Variants in UGGT1 observed in about 807,000 individuals in gnomAD.
UGGT1 encodes the protein UDP-glucose:glycoprotein glucosyltransferase 1.
In UGGT1, 107 loss-of-function variants were observed where a neutral mutation model predicts 203.9. That is an observed-to-expected ratio of 0.52 (90% CI 0.45 to 0.62). UGGT1 has a LOEUF of 0.62. UGGT1 is among the 20% of genes least tolerant of loss of function. The probability of loss-of-function intolerance (pLI) is 0.00; values close to 1 mark genes in which losing one functional copy is unlikely to be tolerated. For missense variants in UGGT1, 1,673 were observed against 1,867.2 expected (o/e 0.90, Z 1.92); for synonymous variants, 628 against 653.5 (o/e 0.96, Z 0.59).
At chr2:128,100,511 A>G (rs2105339922) in intron 2 of UGGT1, among the ~76,000 whole-genome samples, 1 of 151,160 alleles carries the variant, frequency 6.6e-6, no homozygotes, top group African/African-American at 2.4e-5. Flanking sequence ...GGTTCAAGCG[A>G]TTCTCTTGCC....
intron 11 of UGGT1, among the ~76,000 whole-genome samples, chr2:128,126,240 C>G (rs902996825): frequency 6.6e-6 from 1 of 151,504 alleles, no homozygotes; most frequent in Non-Finnish European, 1.5e-5. Flanking sequence ...TCATGCTTGA[C>G]CAAAATGTAT....
chr2:128,109,828 C>G (rs1687768238), intron 5 of UGGT1, 82 bp downstream of exon 5: 2 of 1,164,758 alleles, frequency 1.7e-6, no homozygotes, highest in East Asian at 4.8e-5. Flanking sequence ...ATTTTCTCAT[C>G]TGTTTTGTAT....
chr2:128,178,404 T>G, intron 33 of UGGT1, 64 bp from the exon 34 acceptor site: 1 of 1,380,910 alleles, frequency 7.2e-7, no homozygotes, highest in East Asian at 2.3e-5. Flanking sequence ...TTCCTCTTAC[T>G]TTCAAAGGCC....
intron 18 of UGGT1, among the ~76,000 whole-genome samples, chr2:128,151,463 A>C (rs1481078468): frequency 2.0e-5 from 3 of 152,206 alleles, no homozygotes; most frequent in Non-Finnish European, 2.9e-5. Context: ...AAAGTTGTAT[A>C]CATGGGCCAA....
intron 28 of UGGT1, among the ~76,000 whole-genome samples, chr2:128,171,892 G>A (rs1691125760): frequency 6.6e-6 from 1 of 152,178 alleles, no homozygotes; most frequent in South Asian, 2.1e-4. Flanking sequence ...GCTATATATT[G>A]TCATGAGCTT....
At chr2:128,113,319 C>T in intron 6 of UGGT1, 61 bp downstream of exon 6, 1 of 1,319,064 alleles carries the variant, frequency 7.6e-7, no homozygotes, top group Non-Finnish European at 1.0e-6. Context: ...GACTTTAGAA[C>T]ATAAGCTAAT....
chr2:128,159,093 C>CT (rs753907632), intron 22 of UGGT1, among the ~76,000 whole-genome samples: 1,468 of 110,434 alleles, frequency 0.013, 20 homozygotes, highest in Middle Eastern at 0.018. Flanking sequence ...CTATCTGAGA[C>CT]TTTTTTTTTT....
chr2:128,165,387 C>G (rs563139887), intron 26 of UGGT1, among the ~76,000 whole-genome samples: 1 of 152,296 alleles, frequency 6.6e-6, no homozygotes, highest in African/African-American at 2.4e-5. Context: ...GACTGAGACC[C>G]TGTCTCACAA....
At chr2:128,132,124 A>G (rs1359031867) in intron 13 of UGGT1, among the ~76,000 whole-genome samples, 1 of 151,796 alleles carries the variant, frequency 6.6e-6, no homozygotes, top group African/African-American at 2.4e-5. Flanking sequence ...CTTAGCTCAT[A>G]GTTCCTAGAT....
rs544430022 is a variant in UGGT1 at position 128,194,665 on chromosome 2, T to C, written c.*4923T>C. ...AGTTAATCAAATAAAGCTTGTCATG[T>C]GTGTAGTTTGGTAAGATAACTTCTT... On this transcript the variant is annotated 3_prime_UTR_variant, in exon 41 of 41. Coordinates refer to ENST00000259253, the MANE Select transcript of UGGT1 (RefSeq NM_020120.4). 1 of 152,344 alleles carries C rather than the reference T, an allele frequency of 6.6e-6. No individual in the cohort carries two copies. The highest frequency in any genetic ancestry group is 2.1e-4 in the South Asian group (1 of 4,828). 9.4% of individuals were successfully genotyped at this position (152,344 alleles called of 1,614,324 possible). A position where few individuals can be genotyped will look rare whatever the true frequency, so the allele number is the denominator to read the frequency against.
At chr2:128,154,925 A>G (rs552321647) in intron 19 of UGGT1, among the ~76,000 whole-genome samples, 18 of 152,344 alleles carry the variant, frequency 1.2e-4, no homozygotes, top group African/African-American at 4.3e-4. Context: ...CTGGAATTCT[A>G]GGAATAATAA....
intron 12 of UGGT1, among the ~76,000 whole-genome samples, chr2:128,128,346 C>T (rs537472901): frequency 1.4e-5 from 2 of 146,554 alleles, no homozygotes; most frequent in South Asian, 4.3e-4. Flanking sequence ...GAGTCTCACT[C>T]TGTTGCCCAG....
At chr2:128,174,688 A>T in intron 30 of UGGT1, 85 bp from the exon 31 acceptor site, 1 of 1,132,822 alleles carries the variant, frequency 8.8e-7, no homozygotes, top group Non-Finnish European at 1.3e-6. Flanking sequence ...GTTGATTGAT[A>T]TTTCAGAAAT....
At position 128,133,643 on chromosome 2, in the gene UGGT1, A is replaced by C. The variant is rs189274307; in HGVS notation, c.1497+383A>C. On this transcript the variant is annotated intron_variant, in intron 14 of 40. Coordinates refer to ENST00000259253, the MANE Select transcript of UGGT1 (RefSeq NM_020120.4). ...TTCATACTCTTCACACCATTCAGTG[A>C]TGTGTTTGTTTTTATTTTAAGACTT... Among the ~76,000 whole-genome samples, 6 of 151,998 alleles carry C rather than the reference A, an allele frequency of 3.9e-5. No individual in the cohort carries two copies. In the East Asian group the frequency reaches 5.8e-4, roughly 15 times the overall value.
chr2:128,142,694 A>G (rs914016621), intron 16 of UGGT1, among the ~76,000 whole-genome samples: 2 of 147,998 alleles, frequency 1.4e-5, no homozygotes, highest in African/African-American at 2.5e-5. Context: ...TTTCAAGAAA[A>G]GTAATTGGCC....
Position 128,129,021 on chromosome 2 carries a change from C to A in UGGT1, c.1227-8C>A. The A allele has an allele frequency of 1.3e-6, 2 of 1,535,512 alleles. No individual in the cohort carries two copies. Among genetic ancestry groups the A allele is most frequent in the Admixed American group, 2.3e-5 (1 of 43,080 alleles). ...CTAGTAAATATCTCTTTTTGTTTTT[C>A]CCCCCAGTCTGTTTGATGTGTTGAG... On this transcript the variant is annotated splice_region_variant and splice_polypyrimidine_tract_variant and intron_variant, in intron 12 of 40. Transcript: ENST00000259253.
At chr2:128,103,646 T>G (rs1687479471) in intron 2 of UGGT1, among the ~76,000 whole-genome samples, 1 of 152,096 alleles carries the variant, frequency 6.6e-6, no homozygotes, top group African/African-American at 2.4e-5. Flanking sequence ...TTCATAAGCT[T>G]TCTTTATATT....
chr2:128,120,711 G>C (rs1017182241), intron 9 of UGGT1, among the ~76,000 whole-genome samples: 5 of 152,104 alleles, frequency 3.3e-5, no homozygotes, highest in Non-Finnish European at 7.4e-5. Context: ...CTTGTAATAC[G>C]AGAAGCAGGT....
In UGGT1 at chr2:128,183,748, G is replaced by A; in HGVS notation, c.4318G>A (p.Gly1440Ser). Residue 1440 changes from glycine (G) to serine (S), a missense_variant, in exon 38 of 41, where the codon GGT (glycine) becomes AGT (serine). Gly to Ser is a moderately conservative substitution (Grantham distance 56). Transcript: ENST00000259253. ...AGDRLRGQYQGLSQDPNSLSN... is the reference protein window; with the variant it reads ...AGDRLRGQYQSLSQDPNSLSN... ...TGACAGACTCAGGGGACAGTACCAAGGTCTGAGTCAGGACCCTAACAGCCT... is the reference window on the plus strand; with the variant it reads ...TGACAGACTCAGGGGACAGTACCAAAGTCTGAGTCAGGACCCTAACAGCCT... The A allele has an allele frequency of 6.2e-7, 1 of 1,614,100 alleles. No homozygotes were observed. The highest frequency in any genetic ancestry group is 8.5e-7 in the Non-Finnish European group (1 of 1,179,972).
Sources: gnomAD v4.1 joint callset for allele counts (sites outside exome capture counted in the v4.1 genomes callset) on GRCh38, gnomAD v4.1.1 for gene constraint, MANE v1.5 for transcripts, NCBI Gene and HGNC (gene_info 2026-07-23, HGNC 2026-07-21) for gene names.